ARX: variants seen among roughly 807,000 people sequenced by gnomAD.
ARX encodes the protein homeobox protein ARX.
ARX carries 1 observed loss-of-function variant against 23.1 expected under a neutral mutation model. That is an observed-to-expected ratio of 0.04 (90% CI 0.02 to 0.21). The LOEUF (loss-of-function observed/expected upper bound fraction) is 0.21, where lower values mean the gene tolerates loss of function less well. Among genes scored for constraint, ARX ranks in the 10% least tolerant of loss-of-function variants. The pLI is 1.00. For synonymous variants in ARX, 301 were observed against 270.1 expected (o/e 1.11, Z -1.12); for missense variants, 380 against 527.5 (o/e 0.72, Z 2.74).
At chrX:25,012,881 C>T (rs2048707890) in intron 2 of ARX, 41 bp downstream of exon 2, 2 of 1,186,210 alleles carry the variant, frequency 1.7e-6, no homozygotes, top group Non-Finnish European at 1.1e-6. Context: ...GGCCCGCGTG[C>T]GCTCTCTGCC....
chrX:25,015,439 C>A, intron 1 of ARX, 103 bp downstream of exon 1: 1 of 1,025,449 alleles, frequency 9.8e-7, no homozygotes, highest in East Asian at 3.3e-5. Context: ...CCTCTCCTTC[C>A]TTCCTCTCCA....
At chrX:25,007,751 T>C (rs893005742) in intron 3 of ARX, among the ~76,000 whole-genome samples, 5 of 112,175 alleles carry the variant, frequency 4.5e-5, no homozygotes, top group African/African-American at 1.6e-4. Flanking sequence ...AACCAAAGTT[T>C]AAACGTCTGT....
In ARX at chrX:25,013,362, C is replaced by T. The variant is rs780863395; in HGVS notation, c.633G>A (p.Pro211=). ...PEERLGVAGG[P]GSAPAAGGGT... ...CACCACCCGCAGCCGGGGCGCTGCC[C>T]GGGCCGCCGGCCACGCCGAGGCGCT... The change falls in exon 2 of 5, where the codon CCG becomes CCA. Residue 211 remains proline, a synonymous_variant. Coordinates refer to ENST00000379044, the MANE Select transcript of ARX (RefSeq NM_139058.3). 6 of 1,141,158 alleles carry T rather than the reference C, an allele frequency of 5.3e-6. No individual in the cohort carries two copies. In the African/African-American group the frequency reaches 5.5e-5, roughly 11 times the overall value. 94.0% of individuals were successfully genotyped at this position (1,141,158 alleles called of 1,213,427 possible). A position where few individuals can be genotyped will look rare whatever the true frequency, so the allele number is the denominator to read the frequency against.
At position 25,013,587 on chromosome X, in the gene ARX, C is replaced by G; in HGVS notation, c.408G>C (p.Gly136=). 1.3e-6 allele frequency: 1 copy of G among 754,250 alleles called. No homozygotes were observed. Among genetic ancestry groups the G allele is most frequent in the Admixed American group, 8.7e-5 (1 of 11,546 alleles). The allele number at this position is 754,250 out of a possible 1,213,427, so 62.2% of individuals were successfully genotyped here. ...PPPPPPTARP[G]ERPDGAGAAA... ...CGGCCCCTGCGCCGTCCGGCCGTTC[C>G]CCGGGCCGCGCGGTTGGCGGTGGCG... is the stretch of plus-strand genomic sequence containing the variant. Residue 136 remains glycine, a synonymous_variant, in exon 2 of 5, where the codon GGG becomes GGC. Transcript: ENST00000379044.
chrX:25,010,137 T>G, intron 3 of ARX, 123 bp downstream of exon 3: 1 of 792,238 alleles, frequency 1.3e-6, no homozygotes, highest in Non-Finnish European at 1.9e-6. Context: ...TTTCTGATCC[T>G]GCTTCTCTTG....
At chrX:25,011,550 GA>G (rs2048702765) in intron 2 of ARX, among the ~76,000 whole-genome samples, 1 of 113,312 alleles carries the variant, frequency 8.8e-6, no homozygotes, top group Non-Finnish European at 1.9e-5. Context: ...TTCGCTATTT[GA>G]CAGCACACAT....
Position 25,007,113 on chromosome X carries a change from G to C in ARX, c.1446C>G (p.Gly482=). ...RHPAFISPAF[G]RLFSTMAPLT... ...AGACTTCCGAGGCTGCGCGTTACCT[G>C]CCGAATGCCGGGCTGATGAAAGCTG... is the stretch of plus-strand genomic sequence containing the variant. Residue 482 remains glycine, a splice_region_variant and synonymous_variant, in exon 4 of 5, where the codon GGC becomes GGG. Coordinates refer to ENST00000379044, the MANE Select transcript of ARX (RefSeq NM_139058.3). The C allele has an allele frequency of 8.4e-7, 1 of 1,194,358 alleles. No homozygotes were observed. The highest frequency in any genetic ancestry group is 1.1e-6 in the Non-Finnish European group (1 of 887,246).
intron 1 of ARX, among the ~76,000 whole-genome samples, chrX:25,014,370 T>G (rs1234440845): frequency 8.9e-6 from 1 of 112,600 alleles, no homozygotes; most frequent in Non-Finnish European, 1.9e-5. Flanking sequence ...CCTGAAAACT[T>G]TGCGCATGAC....
At chrX:25,007,824 T>C (rs1002515777) in intron 3 of ARX, among the ~76,000 whole-genome samples, 9 of 111,270 alleles carry the variant, frequency 8.1e-5, no homozygotes, top group African/African-American at 2.3e-4. Context: ...AGTTTTCGAA[T>C]CTGTAAAATG....
rs1413498565 is a variant in ARX at position 25,011,357 on chromosome X, G to A, written c.1074-1052C>T. ...GGAGCCAAGGGGCTCAAACCCCTGG[G>A]TTGGAAAGAGGTGGGGGTGGGGCGG... On this transcript the variant is annotated intron_variant, in intron 2 of 4. Coordinates refer to ENST00000379044, the MANE Select transcript of ARX (RefSeq NM_139058.3). Among the ~76,000 whole-genome samples, 4 of 111,154 alleles carry A rather than the reference G, an allele frequency of 3.6e-5. No homozygotes were observed. The Admixed American group carries it at 3.8e-4, about 11-fold the overall frequency.
At position 25,004,460 on chromosome X, in the gene ARX, C is replaced by T; in HGVS notation, c.*210G>A. 1.8e-6 allele frequency: 1 copy of T among 559,731 alleles called. No homozygotes were observed. Among genetic ancestry groups the T allele is most frequent in the Non-Finnish European group, 2.8e-6 (1 of 356,324 alleles). The allele number at this position is 559,731 out of a possible 1,213,427, so 46.1% of individuals were successfully genotyped here. A position where few individuals can be genotyped will look rare whatever the true frequency, so the allele number is the denominator to read the frequency against. The stretch of plus-strand genomic sequence containing the variant: ...AGGTTGGCAGTAGCAGGGGCAGGGG[C>T]AGGGGCGGGTGGACAGCCAGCCGAG... On this transcript the variant is annotated 3_prime_UTR_variant, in exon 5 of 5. Coordinates refer to ENST00000379044, the MANE Select transcript of ARX (RefSeq NM_139058.3).
intron 3 of ARX, among the ~76,000 whole-genome samples, chrX:25,009,221 C>G (rs992681505): frequency 8.1e-5 from 9 of 111,721 alleles, no homozygotes; most frequent in African/African-American, 2.6e-4. Flanking sequence ...CTGAGGCCCC[C>G]CAAAGGTAAA....
At chrX:25,006,273 T>C (rs933404397) in intron 4 of ARX, among the ~76,000 whole-genome samples, 41 of 112,629 alleles carry the variant, frequency 3.6e-4, no homozygotes, top group Non-Finnish European at 3.8e-4. Flanking sequence ...ATTTTATTGG[T>C]TTGTTATAAG....
At chrX:25,006,225 A>G (rs1274389960) in intron 4 of ARX, among the ~76,000 whole-genome samples, 1 of 112,547 alleles carries the variant, frequency 8.9e-6, no homozygotes, top group Non-Finnish European at 1.9e-5. Flanking sequence ...CATTAGGTAA[A>G]CTGAGTCACT....
rs923672115 is a variant in ARX, at chrX:25,007,296, C to G, written c.1263G>C (p.Pro421=). The G allele has an allele frequency of 2.7e-5, 30 of 1,119,464 alleles. No homozygotes were observed. Among genetic ancestry groups the G allele is most frequent in the Non-Finnish European group, 4.7e-6 (4 of 857,015 alleles). 92.3% of individuals were successfully genotyped at this position (1,119,464 alleles called of 1,213,427 possible). Residue 421 remains proline (P), a synonymous_variant, in exon 4 of 5, where the codon CCG becomes CCC. Transcript: ENST00000379044. ...SPYLDASPFP[P]HHPALDSAWT... ...AAGCGGAGTCGAGCGCCGGGTGGTG[C>G]GGAGGGAAGGGGCTGGCGTCCAGGT...
chrX:25,008,858 G>T (rs771577271), intron 3 of ARX, among the ~76,000 whole-genome samples: 1 of 112,209 alleles, frequency 8.9e-6, no homozygotes, highest in African/African-American at 3.2e-5. Flanking sequence ...ATCCAAATCG[G>T]TCAATTACTT....
chrX:25,004,718 C>A lies in ARX; in HGVS notation c.1641G>T (p.Thr547=). ...LKAKEHAAQL[T]QLNILPGTST... is the part of the protein sequence containing the mutation. ...TGGTGCCCGGCAGGATGTTGAGCTGCGTGAGCTGCGCCGCGTGCTCCTTGG... is the reference window on the plus strand; with the variant it reads ...TGGTGCCCGGCAGGATGTTGAGCTGAGTGAGCTGCGCCGCGTGCTCCTTGG... Residue 547 remains threonine (T), a synonymous_variant, in exon 5 of 5, where the codon ACG becomes ACT. Transcript: ENST00000379044. 1 of 1,165,105 alleles carries A rather than the reference C, an allele frequency of 8.6e-7. No individual in the cohort carries two copies. The highest frequency in any genetic ancestry group is 1.9e-5 in the South Asian group (1 of 52,704).
chrX:25,005,436 G>A (rs1209958243), intron 4 of ARX, among the ~76,000 whole-genome samples: 2 of 112,477 alleles, frequency 1.8e-5, no homozygotes, highest in Non-Finnish European at 3.8e-5. Context: ...CTTGGCCCGG[G>A]ACTTTCTGCG....
Position 25,015,950 on chromosome X carries a change from C to T in ARX, c.-213G>A, listed in dbSNP as rs1362413618. 4 of 449,055 alleles carry T rather than the reference C, an allele frequency of 8.9e-6. No individual in the cohort carries two copies. Among genetic ancestry groups the T allele is most frequent in the Non-Finnish European group, 1.2e-5 (3 of 255,678 alleles). The allele number at this position is 449,055 out of a possible 1,213,427, so 37.0% of individuals were successfully genotyped here. A position where few individuals can be genotyped will look rare whatever the true frequency, so the allele number is the denominator to read the frequency against. ...TCGCCCTCTCCGCGCTCAGGACAAGCGGTAACAAGTGTAGTGAGCAGCGGG... is the reference window on the plus strand; with the variant it reads ...TCGCCCTCTCCGCGCTCAGGACAAGTGGTAACAAGTGTAGTGAGCAGCGGG... On this transcript the variant is annotated 5_prime_UTR_variant, in exon 1 of 5. Coordinates refer to ENST00000379044, the MANE Select transcript of ARX (RefSeq NM_139058.3).
Sources: allele counts gnomAD v4.1 joint callset (sites outside exome capture counted in the v4.1 genomes callset), GRCh38; gene constraint gnomAD v4.1.1; transcripts MANE v1.5; gene names NCBI Gene and HGNC (gene_info 2026-07-23, HGNC 2026-07-21).